Variants in ATP2B1 observed in about 807,000 individuals in gnomAD.
The protein encoded by ATP2B1 is plasma membrane calcium-transporting ATPase 1.
In ATP2B1, 14 loss-of-function variants were observed where a neutral mutation model predicts 124.2. The ratio of observed to expected loss-of-function variants is 0.11; its 90% CI spans 0.07 to 0.18. The LOEUF (loss-of-function observed/expected upper bound fraction) is 0.18, where lower values mean the gene tolerates loss of function less well. Among genes scored for constraint, ATP2B1 ranks in the 10% least tolerant of loss-of-function variants. ATP2B1 has a pLI of 1.00. For missense variants in ATP2B1, 763 were observed against 1,466.1 expected (o/e 0.52, Z 7.83); for synonymous variants, 449 against 492.4 (o/e 0.91, Z 1.17).
At chr12:89,598,039 C>CAAAAAAAA (rs10661138) in intron 20 of ATP2B1, among the ~76,000 whole-genome samples, 1,156 of 59,918 alleles carry the variant, frequency 0.019, 20 homozygotes, top group Admixed American at 0.025. Context: ...CACAACCAAG[C>CAAAAAAAA]AAAAAAAAAA....
At chr12:89,682,597 G>C (rs1889493169) in intron 1 of ATP2B1, among the ~76,000 whole-genome samples, 1 of 152,194 alleles carries the variant, frequency 6.6e-6, no homozygotes, top group African/African-American at 2.4e-5. Flanking sequence ...TAAATCATTT[G>C]TGAGGGAGAG....
At chr12:89,667,298 C>T (rs920093379) in intron 1 of ATP2B1, among the ~76,000 whole-genome samples, 3 of 152,280 alleles carry the variant, frequency 2.0e-5, no homozygotes, top group African/African-American at 7.2e-5. Flanking sequence ...GTACTGTTCC[C>T]TCCTGTCCAT....
In ATP2B1 at chr12:89,599,132, G is replaced by A. The variant is rs2135912556; in HGVS notation, c.3336C>T (p.Asn1112=). ...AGGCCCATACCTGTGTTTGGATTCT[G>A]TTCAGACCTCTAAACCACAAGATTT... ...RGQILWFRGL[N]RIQTQIRVVN... The change falls in exon 20 of 21, where the codon AAC becomes AAT. Residue 1112 remains asparagine (N), a synonymous_variant. Coordinates refer to ENST00000428670, the MANE Select transcript of ATP2B1 (RefSeq NM_001366521.1). The A allele has an allele frequency of 6.2e-7, 1 of 1,613,984 alleles. No individual in the cohort carries two copies. The highest frequency in any genetic ancestry group is 1.1e-5 in the South Asian group (1 of 91,070).
rs776976693 is a variant in ATP2B1, at chr12:89,588,584, C to G, written c.*2400G>C. 7 of 152,462 alleles carry G rather than the reference C, an allele frequency of 4.6e-5. No homozygotes were observed. The highest frequency in any genetic ancestry group is 1.0e-4 in the Non-Finnish European group (7 of 67,986). The allele number at this position is 152,462 out of a possible 1,614,324, so 9.4% of individuals were successfully genotyped here. A position where few individuals can be genotyped will look rare whatever the true frequency, so the allele number is the denominator to read the frequency against. On this transcript the variant is annotated 3_prime_UTR_variant, in exon 21 of 21. Transcript: ENST00000428670. Reference sequence around the variant, plus strand: ...CATTTTTTTCTACCTACATAATGCTCTGGAAATTTCTGGTAGAAATTACAG... The same window carrying G: ...CATTTTTTTCTACCTACATAATGCTGTGGAAATTTCTGGTAGAAATTACAG...
At chr12:89,600,093 T>C (rs1033544839) in intron 19 of ATP2B1, among the ~76,000 whole-genome samples, 2 of 152,208 alleles carry the variant, frequency 1.3e-5, no homozygotes, top group African/African-American at 4.8e-5. Flanking sequence ...AAGGCAGTGC[T>C]TGTTCTACCA....
chr12:89,638,383 A>T (rs1883015981), intron 3 of ATP2B1, among the ~76,000 whole-genome samples: 2 of 152,302 alleles, frequency 1.3e-5, no homozygotes, highest in South Asian at 2.1e-4. Context: ...CAGTACAGAG[A>T]AGTAGTTCTC....
In ATP2B1 at chr12:89,599,790, C is replaced by T. The variant is rs147158192; in HGVS notation, c.3169-491G>A. Among the ~76,000 whole-genome samples the T allele has an allele frequency of 3.3e-5, 5 of 152,068 alleles. No homozygotes were observed. The East Asian group carries it at 9.6e-4, about 29-fold the overall frequency. On this transcript the variant is annotated intron_variant, in intron 19 of 20. Transcript: ENST00000428670. ...GTTACATATTTTTTTTAAAATGCAA[C>T]AGTTTAAAATTGGATTAGTACTGAT...
At chr12:89,650,530 A>G (rs1176452843) in intron 2 of ATP2B1, among the ~76,000 whole-genome samples, 1 of 152,162 alleles carries the variant, frequency 6.6e-6, no homozygotes, top group African/African-American at 2.4e-5. Flanking sequence ...TTGGGCTTTC[A>G]AACCTAAAGC....
intron 1 of ATP2B1, among the ~76,000 whole-genome samples, chr12:89,664,696 C>T (rs955179155): frequency 1.3e-5 from 2 of 152,298 alleles, no homozygotes; most frequent in East Asian, 3.9e-4. Context: ...TCTCAGATAA[C>T]AGTGATGCCA....
In ATP2B1 at chr12:89,656,097, G is replaced by T; in HGVS notation, c.-211C>A. Reference sequence around the variant, plus strand: ...ACTAGTTTCTCCATATCAATCATGAGATATACACATCTGTAAGAAGAAAAT... The same window carrying T: ...ACTAGTTTCTCCATATCAATCATGATATATACACATCTGTAAGAAGAAAAT... On this transcript the variant is annotated 5_prime_UTR_variant, in exon 2 of 21. Transcript: ENST00000428670. 1 of 492,698 alleles carries T rather than the reference G, an allele frequency of 2.0e-6. No homozygotes were observed. The highest frequency in any genetic ancestry group is 4.5e-5 in the South Asian group (1 of 22,348). The allele number at this position is 492,698 out of a possible 1,614,324, so 30.5% of individuals were successfully genotyped here.
At chr12:89,659,616 CGTT>C (rs201262906) in intron 1 of ATP2B1, among the ~76,000 whole-genome samples, 9 of 152,158 alleles carry the variant, frequency 5.9e-5, no homozygotes, top group East Asian at 5.8e-4. Context: ...AGCAAGGAAA[CGTT>C]GTGTGAAAGT....
intron 2 of ATP2B1, among the ~76,000 whole-genome samples, chr12:89,653,293 T>C (rs996982234): frequency 2.4e-4 from 33 of 138,088 alleles, no homozygotes; most frequent in African/African-American, 7.2e-4. Context: ...CTTTTTTTTT[T>C]TTTTTTTTTT....
intron 5 of ATP2B1, among the ~76,000 whole-genome samples, chr12:89,633,690 A>G (rs919437786): frequency 6.6e-6 from 1 of 152,086 alleles, no homozygotes; most frequent in Non-Finnish European, 1.5e-5. Context: ...GTTTTGCTCT[A>G]AAGTTGTGAT....
intron 1 of ATP2B1, among the ~76,000 whole-genome samples, chr12:89,662,183 G>A (rs1325412399): frequency 6.8e-6 from 1 of 146,998 alleles, no homozygotes; most frequent in East Asian, 2.0e-4. Context: ...TTATTACTCA[G>A]TCTTCCAAAA....
chr12:89,599,050 A>G, intron 20 of ATP2B1, 67 bp downstream of exon 20: 2 of 1,544,672 alleles, frequency 1.3e-6, no homozygotes, highest in Non-Finnish European at 1.8e-6. Context: ...AGCACACTCG[A>G]ACCTCCTCCC....
chr12:89,665,026 T>C (rs1012037897), intron 1 of ATP2B1, among the ~76,000 whole-genome samples: 2 of 152,102 alleles, frequency 1.3e-5, no homozygotes, highest in African/African-American at 4.8e-5. Flanking sequence ...AGATGGGGTT[T>C]CACCATGTTG....
intron 16 of ATP2B1, 113 bp from the exon 17 acceptor site, chr12:89,604,038 T>C: frequency 7.1e-7 from 1 of 1,399,156 alleles, no homozygotes; most frequent in African/African-American, 1.5e-5. Flanking sequence ...TATATTTTTA[T>C]ATTAACTAAC....
Position 89,611,182 on chromosome 12 carries a change from T to C in ATP2B1, c.2247+11A>G, listed in dbSNP as rs1177370311. The C allele has an allele frequency of 1.3e-6, 2 of 1,570,704 alleles. No individual in the cohort carries two copies. Among genetic ancestry groups the C allele is most frequent in the African/African-American group, 2.8e-5 (2 of 72,504 alleles). ...CTGTCAACCAAAAACAAAATAATAA[T>C]AAATCTTTACCTCTCCTTTTTCATT... On this transcript the variant is annotated intron_variant, in intron 13 of 20. Transcript: ENST00000428670.
chr12:89,662,743 C>T (rs1195532930), intron 1 of ATP2B1, among the ~76,000 whole-genome samples: 1 of 152,014 alleles, frequency 6.6e-6, no homozygotes, highest in African/African-American at 2.4e-5. Flanking sequence ...AATACCATCC[C>T]TGTGTCTGTG....
Sources: allele counts gnomAD v4.1 joint callset (sites outside exome capture counted in the v4.1 genomes callset), GRCh38; gene constraint gnomAD v4.1.1; transcripts MANE v1.5; gene names NCBI Gene and HGNC (gene_info 2026-07-23, HGNC 2026-07-21).